Variants in REN observed in about 807,000 individuals in gnomAD.
REN encodes the protein renin, also known as angiotensin-forming enzyme.
A neutral mutation model predicts 48.6 loss-of-function variants in REN; 42 were observed. That is an observed-to-expected ratio of 0.86 (90% CI 0.68 to 1.12). REN has a LOEUF of 1.12. Among genes scored for constraint, REN ranks in the 50% most tolerant of loss-of-function variants. The probability of loss-of-function intolerance (pLI) is 0.00; values close to 1 mark genes in which losing one functional copy is unlikely to be tolerated. For missense variants in REN, 443 were observed against 527.3 expected, an observed-to-expected ratio of 0.84 and a Z score of 1.57; for synonymous variants, 196 against 204.6, an observed-to-expected ratio of 0.96 and a Z score of 0.36.
In REN at chr1:204,156,710, A is replaced by G. The variant is rs757540389; in HGVS notation, c.785T>C (p.Ile262Thr). Reference protein sequence around the residue: ...YEGNFHYINLIKTGVWQIQMK... With the variant: ...YEGNFHYINLTKTGVWQIQMK... ...TTGAATCTGCCAGACACCAGTCTTG[A>G]TGAGGTTGATATAGTGGAAATTCCC... Residue 262 changes from isoleucine (I) to threonine (T), a missense_variant, in exon 7 of 10, where the codon ATC becomes ACC. Physicochemically the swap from Ile to Thr is moderately conservative, Grantham distance 89. Transcript: ENST00000272190. The surrounding 1 kb of genome is among the most constrained non-coding windows in gnomAD (Gnocchi z 4.2). 1 of 1,610,798 alleles carries G rather than the reference A, an allele frequency of 6.2e-7. No individual in the cohort carries two copies. The highest frequency in any genetic ancestry group is 2.2e-5 in the East Asian group (1 of 44,664).
rs763874988 is a variant in REN, at chr1:204,156,329, G to C, written c.819-10C>G. 1.3e-6 allele frequency: 2 copies of C among 1,494,158 alleles called. No homozygotes were observed. The highest frequency in any genetic ancestry group is 1.8e-6 in the Non-Finnish European group (2 of 1,105,560). The allele number at this position is 1,494,158 out of a possible 1,614,324, so 92.6% of individuals were successfully genotyped here. ...TGACCCCACAGACACCCTGGGGGAG[G>C]CCACAGTCAGACAGACAGACAGACA... On this transcript the variant is annotated splice_polypyrimidine_tract_variant and intron_variant, in intron 7 of 9. Transcript: ENST00000272190. The surrounding 1 kb of genome is among the most constrained non-coding windows in gnomAD (Gnocchi z 4.2).
chr1:204,156,541 A>G lies in REN; in HGVS notation c.818+136T>C. On this transcript the variant is annotated intron_variant, in intron 7 of 9. Transcript: ENST00000272190. This position sits in a 1 kb window ranked among gnomAD's most constrained non-coding sequence, Gnocchi z 4.2. ...CCCAGCCTGGACAGAGCAGGCAGAG[A>G]GCAAATGGTGGCTGTGCTTAAGAAG... 1 of 1,400,498 alleles carries G rather than the reference A, an allele frequency of 7.1e-7. No homozygotes were observed. Among genetic ancestry groups the G allele is most frequent in the Non-Finnish European group, 1.0e-6 (1 of 997,456 alleles). The allele number at this position is 1,400,498 out of a possible 1,614,324, so 86.8% of individuals were successfully genotyped here. A position where few individuals can be genotyped will look rare whatever the true frequency, so the allele number is the denominator to read the frequency against.
chr1:204,165,459 C>G (rs1462153737), intron 1 of REN, among the ~76,000 whole-genome samples: 6 of 152,180 alleles, frequency 3.9e-5, no homozygotes, highest in Admixed American at 3.9e-4. Context: ...ATAACTTGCC[C>G]ATGATTCCAG....
In REN at chr1:204,156,048, G is replaced by A; in HGVS notation, c.960+130C>T. 6.7e-7 allele frequency: 1 copy of A among 1,484,516 alleles called. No homozygotes were observed. The highest frequency in any genetic ancestry group is 9.4e-7 in the Non-Finnish European group (1 of 1,064,944). 92.0% of individuals were successfully genotyped at this position (1,484,516 alleles called of 1,614,324 possible). On this transcript the variant is annotated intron_variant, in intron 8 of 9. Coordinates refer to ENST00000272190, the MANE Select transcript of REN (RefSeq NM_000537.4). This position sits in a 1 kb window ranked among gnomAD's most constrained non-coding sequence, Gnocchi z 4.2. The stretch of plus-strand genomic sequence containing the variant: ...CAGTGCCCCGCCCCATGGGTGACCA[G>A]CCACATGTGTGGAGAGTGTGAGGTG...
At chr1:204,158,579 G>A (rs1300383551) in intron 5 of REN, among the ~76,000 whole-genome samples, 8 of 152,078 alleles carry the variant, frequency 5.3e-5, no homozygotes, top group Admixed American at 5.2e-4. Flanking sequence ...ACTGCACCCA[G>A]CCCCTTTTGC....
intron 4 of REN, among the ~76,000 whole-genome samples, chr1:204,160,179 C>T (rs1658217437): frequency 6.6e-6 from 1 of 152,174 alleles, no homozygotes; most frequent in Non-Finnish European, 1.5e-5. Context: ...TCAACTGTGA[C>T]CTTAAAACCT....
chr1:204,165,044 T>C lies in REN; in HGVS notation c.98+1152A>G, dbSNP rs1050965129. Among the ~76,000 whole-genome samples, 62 of 152,110 alleles carry C rather than the reference T, an allele frequency of 4.1e-4. 1 individual carries two copies. The highest frequency in any genetic ancestry group is 2.4e-3 in the Admixed American group (36 of 15,280). On this transcript the variant is annotated intron_variant, in intron 1 of 9. Transcript: ENST00000272190. The stretch of plus-strand genomic sequence containing the variant: ...TGGAGTGCAATGGCGCTATGTCGGC[T>C]CACTGCAACCTCAGCCTCCCAGGTT...
At chr1:204,158,583 C>T (rs1421169159) in intron 5 of REN, among the ~76,000 whole-genome samples, 1 of 152,098 alleles carries the variant, frequency 6.6e-6, no homozygotes, top group Non-Finnish European at 1.5e-5. Context: ...CACCCAGCCC[C>T]TTTTGCCTCC....
Position 204,155,000 on chromosome 1 carries a change from TGG to T in REN, c.*14_*15del, listed in dbSNP as rs780498870. ...GCCAGGGCTGAAGGCAGGGCCTGCC[TGG>T]GTGGCAGAGGGCCTCAGCGGGCCAA... is the stretch of plus-strand genomic sequence containing the variant. On this transcript the variant is annotated 3_prime_UTR_variant, in exon 10 of 10. Coordinates refer to ENST00000272190, the MANE Select transcript of REN (RefSeq NM_000537.4). 6.2e-7 allele frequency: 1 copy of T among 1,613,384 alleles called. No homozygotes were observed. Among genetic ancestry groups the T allele is most frequent in the Admixed American group, 1.7e-5 (1 of 60,032 alleles).
At chr1:204,161,118 A>T (rs529771396) in intron 3 of REN, among the ~76,000 whole-genome samples, 174 bp downstream of exon 3, 2 of 152,050 alleles carry the variant, frequency 1.3e-5, no homozygotes, top group East Asian at 3.9e-4. Context: ...TGGTGGCTGT[A>T]TCAGAAAAAC....
At chr1:204,161,748 C>G (rs1480136026) in intron 2 of REN, among the ~76,000 whole-genome samples, 1 of 152,118 alleles carries the variant, frequency 6.6e-6, no homozygotes, top group African/African-American at 2.4e-5. Flanking sequence ...GTCACACACC[C>G]CTTCCCACCC....
intron 5 of REN, among the ~76,000 whole-genome samples, chr1:204,158,230 C>T (rs193167174): frequency 6.8e-4 from 103 of 152,112 alleles, no homozygotes; most frequent in African/African-American, 2.4e-3. Context: ...CCCCCACTTC[C>T]TCTAAAACAG....
Position 204,156,877 on chromosome 1 carries a change from G to A in REN, c.699-81C>T. ...CAGGCAATTGGGGAAGGTTGCACAA[G>A]GGTGCAGGGGAGGACAGAGGGCTCT... On this transcript the variant is annotated intron_variant, in intron 6 of 9. Transcript: ENST00000272190. This position sits in a 1 kb window ranked among gnomAD's most constrained non-coding sequence, Gnocchi z 4.2. 2 of 1,566,132 alleles carry A rather than the reference G, an allele frequency of 1.3e-6. No individual in the cohort carries two copies. The highest frequency in any genetic ancestry group is 1.7e-6 in the Non-Finnish European group (2 of 1,146,008).
intron 1 of REN, among the ~76,000 whole-genome samples, chr1:204,165,718 G>A (rs1170215507): frequency 6.6e-6 from 1 of 151,980 alleles, no homozygotes; most frequent in Non-Finnish European, 1.5e-5. Context: ...AGCTTCCCGA[G>A]TAGCTGGGGA....
chr1:204,156,852 C>T lies in REN; in HGVS notation c.699-56G>A, dbSNP rs1208735386. 6.2e-7 allele frequency: 1 copy of T among 1,608,510 alleles called. No individual in the cohort carries two copies. The highest frequency in any genetic ancestry group is 1.3e-5 in the African/African-American group (1 of 74,910). On this transcript the variant is annotated intron_variant, in intron 6 of 9. Transcript: ENST00000272190. This position sits in a 1 kb window ranked among gnomAD's most constrained non-coding sequence, Gnocchi z 4.2. ...CCATAACCTCCAGGACCCAGCAACT[C>T]AGGCAATTGGGGAAGGTTGCACAAG...
chr1:204,164,027 A>C (rs1490854386), intron 1 of REN, among the ~76,000 whole-genome samples: 7 of 152,236 alleles, frequency 4.6e-5, no homozygotes, highest in Non-Finnish European at 1.0e-4. Flanking sequence ...AGTGCCTCGC[A>C]TGATGCTCTG....
At chr1:204,159,699 G>T in intron 4 of REN, 104 bp from the exon 5 acceptor site, 1 of 971,908 alleles carries the variant, frequency 1.0e-6, no homozygotes, top group Non-Finnish European at 1.6e-6. Flanking sequence ...ACATGCTCCA[G>T]GGTACAGAAA....
At chr1:204,155,997 GTC>G (rs1453912235) in intron 8 of REN, 79 bp from the exon 9 acceptor site, 2 of 1,442,414 alleles carry the variant, frequency 1.4e-6, no homozygotes, top group Non-Finnish European at 1.9e-6. Flanking sequence ...TGGTGGCCTG[GTC>G]TCTCTGCTGG....
At chr1:204,157,417 C>A (rs1325439956) in intron 5 of REN, 48 bp from the exon 6 acceptor site, 1 of 1,613,804 alleles carries the variant, frequency 6.2e-7, no homozygotes, top group African/African-American at 1.3e-5. Context: ...TTCATGCCAG[C>A]CTCATCAGCC....
Sources: gnomAD v4.1 joint callset for allele counts (sites outside exome capture counted in the v4.1 genomes callset) on GRCh38, gnomAD v4.1.1 for gene constraint, Gnocchi (gnomAD v3.1) non-coding constraint, MANE v1.5 for transcripts, NCBI Gene and HGNC (gene_info 2026-07-23, HGNC 2026-07-21) for gene names.